The following FASN variants were observed in gnomAD, a reference collection of about 807,000 sequenced individuals.
The protein encoded by FASN is fatty acid synthase, also known as 3-hydroxyacyl-[acyl-carrier-protein] dehydratase.
In FASN, 50 loss-of-function variants were observed where a neutral mutation model predicts 250.0. The ratio of observed to expected loss-of-function variants is 0.20; its 90% CI spans 0.16 to 0.25. The LOEUF is 0.25. FASN is among the 10% of genes least tolerant of loss of function. The probability of loss-of-function intolerance (pLI) is 1.00; values close to 1 mark genes in which losing one functional copy is unlikely to be tolerated. For synonymous variants in FASN, 1,909 were observed against 1,584.0 expected (o/e 1.21, Z -4.87); for missense variants, 3,031 against 3,498.5 (o/e 0.87, Z 3.37).
chr17:82,081,209 G>A lies in FASN; in HGVS notation c.6550C>T (p.Leu2184Phe). ...LSVREVRQLT[L>F]RKLQELSSKA... ...GAGGACAGCTCCTGCAGTTTCCGGA[G>A]CGTGAGTTGCCGCACCTCGCGCACG... Residue 2184 changes from leucine to phenylalanine, a missense_variant, in exon 38 of 43, where the codon CTC becomes TTC. Coordinates refer to ENST00000306749, the MANE Select transcript of FASN (RefSeq NM_004104.5). 6.3e-7 allele frequency: 1 copy of A among 1,594,204 alleles called. No individual in the cohort carries two copies. The highest frequency in any genetic ancestry group is 8.5e-7 in the Non-Finnish European group (1 of 1,171,430).
At position 82,096,339 on chromosome 17, in the gene FASN, T is replaced by A. The variant is rs2034302624; in HGVS notation, c.107A>T (p.Asp36Val). ...CATACCCGCCTTCCAGCGACGGTCA[T>A]CGTCCGTGACCATGTCCACACCGCC... ...LIGGVDMVTD[D>V]DRRWKAGLYG... Residue 36 changes from aspartate (D) to valine (V), a missense_variant, in exon 2 of 43, where the codon GAT becomes GTT. Asp to Val is a radical substitution (Grantham distance 152). Coordinates refer to ENST00000306749, the MANE Select transcript of FASN (RefSeq NM_004104.5). 5 of 1,612,668 alleles carry A rather than the reference T, an allele frequency of 3.1e-6. No homozygotes were observed. Among genetic ancestry groups the A allele is most frequent in the Non-Finnish European group, 4.2e-6 (5 of 1,179,970 alleles).
intron 30 of FASN, 41 bp downstream of exon 30, chr17:82,083,731 G>A (rs1366919646): frequency 1.2e-6 from 2 of 1,610,276 alleles, no homozygotes; most frequent in Non-Finnish European, 1.7e-6. Flanking sequence ...CTGGGCCGGA[G>A]GCTAGGCAGG....
At chr17:82,092,164 T>C (rs2034222428) in intron 8 of FASN, among the ~76,000 whole-genome samples, 1 of 152,142 alleles carries the variant, frequency 6.6e-6, no homozygotes, top group Admixed American at 6.5e-5. Context: ...GGCCTGCTCC[T>C]GCCTCGCTCT....
Position 82,092,759 on chromosome 17 carries a change from G to T in FASN, c.832C>A (p.Gln278Lys), listed in dbSNP as rs376469026. ...GACTCAGGGGCCACTCCGGCCGACTGGTACAACGAGCGGATGAGCTGCTCC... is the reference window on the plus strand; with the variant it reads ...GACTCAGGGGCCACTCCGGCCGACTTGTACAACGAGCGGATGAGCTGCTCC... Reference protein sequence around the residue: ...IQEQLIRSLYQSAGVAPESFE... With the variant: ...IQEQLIRSLYKSAGVAPESFE... Residue 278 changes from glutamine to lysine, a missense_variant, in exon 7 of 43, where the codon CAG becomes AAG. Gln to Lys is a moderately conservative substitution (Grantham distance 53). Coordinates refer to ENST00000306749, the MANE Select transcript of FASN (RefSeq NM_004104.5). 6.8e-6 allele frequency: 11 copies of T among 1,605,922 alleles called. No homozygotes were observed. In the African/African-American group the frequency reaches 1.2e-4, roughly 18 times the overall value.
chr17:82,091,516 C>T lies in FASN; in HGVS notation c.1198G>A (p.Val400Met), dbSNP rs771740708. 1.9e-6 allele frequency: 3 copies of T among 1,603,586 alleles called. No individual in the cohort carries two copies. The highest frequency in any genetic ancestry group is 1.1e-5 in the South Asian group (1 of 89,854). Residue 400 changes from valine (V) to methionine (M), a missense_variant, in exon 9 of 43, where the codon GTG (valine) becomes ATG (methionine). Transcript: ENST00000306749. ...GTGTTGGGCCTCAGGATGATGTGCA[C>T]GTTGGAGCCCCCGAAGCCAAAGGAG... is the stretch of plus-strand genomic sequence containing the variant. ...INSFGFGGSN[V>M]HIILRPNTQP... is the part of the protein sequence containing the mutation.
At position 82,087,113 on chromosome 17, in the gene FASN, G is replaced by A. The variant is rs1438574981; in HGVS notation, c.3364C>T (p.His1122Tyr). The A allele has an allele frequency of 2.5e-6, 4 of 1,612,158 alleles. No individual in the cohort carries two copies. The South Asian group carries it at 3.3e-5, about 13-fold the overall frequency. The change falls in exon 21 of 43, where the codon CAC (histidine) becomes TAC (tyrosine). Residue 1122 changes from histidine to tyrosine, a missense_variant. By Grantham distance (83) the His-to-Tyr change is moderately conservative. Transcript: ENST00000306749. ...PILEKFCFTP[H>Y]TEEGCLSERA... ...TCAGACAGGCACCCCTCCTCCGTGT[G>A]GGGAGTGAAGCAAAACTTCTCCAGG...
chr17:82,092,683 G>T lies in FASN; in HGVS notation c.894+14C>A, dbSNP rs751345118. 5.6e-5 allele frequency: 79 copies of T among 1,408,896 alleles called. 1 individual carries two copies. Among genetic ancestry groups the T allele is most frequent in the Admixed American group, 5.0e-4 (28 of 55,630 alleles). The allele number at this position is 1,408,896 out of a possible 1,614,324, so 87.3% of individuals were successfully genotyped here. A position where few individuals can be genotyped will look rare whatever the true frequency, so the allele number is the denominator to read the frequency against. ...TCATGGGGTGGTGAGTGGGGCGGGG[G>T]GGGGGGGCATCACCTTGGTGCCTGT... On this transcript the variant is annotated intron_variant, in intron 7 of 42. Coordinates refer to ENST00000306749, the MANE Select transcript of FASN (RefSeq NM_004104.5).
Position 82,082,366 on chromosome 17 carries a change from C to G in FASN, c.5968G>C (p.Asp1990His). 6.2e-7 allele frequency: 1 copy of G among 1,612,936 alleles called. No homozygotes were observed. The highest frequency in any genetic ancestry group is 8.5e-7 in the Non-Finnish European group (1 of 1,180,004). The change falls in exon 35 of 43, where the codon GAC (aspartate) becomes CAC (histidine). Residue 1990 changes from aspartate (D) to histidine (H), a missense_variant. Asp to His is a moderately conservative substitution (Grantham distance 81, BLOSUM62 -1). Coordinates refer to ENST00000306749, the MANE Select transcript of FASN (RefSeq NM_004104.5). ...LENQTPEFFQ[D>H]VCKPKYSGTL... ...CCGCTGTACTTGGGCTTGCAGACGT[C>G]CTGGAAGAACTCTGGGGTCTGGTTC...
In FASN at chr17:82,085,131, G is replaced by C; in HGVS notation, c.4313C>G (p.Ser1438Cys). ...LKGILADEDSSRPVWLKAINC... is the reference protein window; with the variant it reads ...LKGILADEDSCRPVWLKAINC... Reference sequence around the variant, plus strand: ...GATGGCCTTCAGCCACACAGGCCGGGAAGAGTCTTCGTCAGCCAGGATGCC... The same window carrying C: ...GATGGCCTTCAGCCACACAGGCCGGCAAGAGTCTTCGTCAGCCAGGATGCC... The change falls in exon 25 of 43, where the codon TCC (serine) becomes TGC (cysteine). Residue 1438 changes from serine (S) to cysteine (C), a missense_variant. By Grantham distance (112) the Ser-to-Cys change is moderately radical. Coordinates refer to ENST00000306749, the MANE Select transcript of FASN (RefSeq NM_004104.5). The C allele has an allele frequency of 6.2e-7, 1 of 1,612,582 alleles. No individual in the cohort carries two copies.
intron 1 of FASN, among the ~76,000 whole-genome samples, chr17:82,097,845 G>A (rs971278795): frequency 1.3e-5 from 2 of 152,070 alleles, no homozygotes; most frequent in Admixed American, 1.3e-4. Flanking sequence ...GGCCCTTCAG[G>A]GTCCGCGGCC....
intron 5 of FASN, 89 bp from the exon 6 acceptor site, chr17:82,093,108 T>C: frequency 1.3e-6 from 2 of 1,576,604 alleles, no homozygotes; most frequent in Non-Finnish European, 1.7e-6. Flanking sequence ...GGGTGGGTGC[T>C]TGGGTGGGGG....
chr17:82,079,977 G>A lies in FASN; in HGVS notation c.7146+163C>T, dbSNP rs1312360205. ...CCCGCCTTAGCCTCCCAAAGTGCCG[G>A]GATTACAGGCATGAGCAACCGCATC... On this transcript the variant is annotated intron_variant, in intron 41 of 42. Coordinates refer to ENST00000306749, the MANE Select transcript of FASN (RefSeq NM_004104.5). 6 of 808,232 alleles carry A rather than the reference G, an allele frequency of 7.4e-6. No individual in the cohort carries two copies. In the African/African-American group the frequency reaches 1.0e-4, roughly 14 times the overall value. 50.1% of individuals were successfully genotyped at this position (808,232 alleles called of 1,614,324 possible). A position where few individuals can be genotyped will look rare whatever the true frequency, so the allele number is the denominator to read the frequency against.
In FASN at chr17:82,078,771, C is replaced by T; in HGVS notation, c.*372G>A. The T allele has an allele frequency of 2.9e-6, 1 of 350,452 alleles. No homozygotes were observed. Among genetic ancestry groups the T allele is most frequent in the Non-Finnish European group, 5.5e-6 (1 of 182,096 alleles). 21.7% of individuals were successfully genotyped at this position (350,452 alleles called of 1,614,324 possible). ...GGGACCCACACGCTGCCTGAGGAGT[C>T]TTGGCAGGGTGGACAGGCCTGGGGG... On this transcript the variant is annotated 3_prime_UTR_variant, in exon 43 of 43. Transcript: ENST00000306749. The surrounding 1 kb of genome is among the most constrained non-coding windows in gnomAD (Gnocchi z 5.4).
Position 82,082,939 on chromosome 17 carries a change from C to G in FASN, c.5742G>C (p.Leu1914Phe). ...CTGTCCGGATCCCGGAGCGAGAAGT[C>G]AACACGAGCTTCTGCACCCCACGCT... is the stretch of plus-strand genomic sequence containing the variant. ...LIQRGVQKLVLTSRSGIRTGY... is the reference protein window; with the variant it reads ...LIQRGVQKLVFTSRSGIRTGY... Residue 1914 changes from leucine (L) to phenylalanine (F), a missense_variant, in exon 33 of 43, where the codon TTG (leucine) becomes TTC (phenylalanine). Transcript: ENST00000306749. 3.1e-6 allele frequency: 5 copies of G among 1,612,792 alleles called. No individual in the cohort carries two copies. The highest frequency in any genetic ancestry group is 3.3e-4 in the Middle Eastern group (2 of 6,062).
chr17:82,079,158 G>T lies in FASN; in HGVS notation c.7521C>A (p.Ser2507Arg). Residue 2507 changes from serine (S) to arginine (R), a missense_variant, in exon 43 of 43, where the codon AGC becomes AGA. Physicochemically the swap from Ser to Arg is moderately radical, Grantham distance 110. Transcript: ENST00000306749. ...IHSSLAEPRV[S>R]VREG ...GGGCACGGGCCTAGCCCTCCCGCAC[G>T]CTCACGCGTGGCTCAGCCAGGGAGC... The T allele has an allele frequency of 6.2e-7, 1 of 1,612,234 alleles. No homozygotes were observed. Among genetic ancestry groups the T allele is most frequent in the Non-Finnish European group, 8.5e-7 (1 of 1,179,916 alleles).
At chr17:82,087,641 C>A (rs747191878) in intron 19 of FASN, 44 bp downstream of exon 19, 11 of 1,606,522 alleles carry the variant, frequency 6.8e-6, no homozygotes, top group Non-Finnish European at 9.3e-6. Context: ...ACAATGACGA[C>A]CGCCCTCCCC....
intron 17 of FASN, 25 bp from the exon 18 acceptor site, chr17:82,088,059 C>A: frequency 1.2e-6 from 2 of 1,612,604 alleles, no homozygotes; most frequent in Non-Finnish European, 1.7e-6. Flanking sequence ...AGTTGGAGAT[C>A]AGAGGGCAGC....
In FASN at chr17:82,088,657, C is replaced by T. The variant is rs149615785; in HGVS notation, c.2421-95G>A. 10,697 of 1,515,324 alleles carry T rather than the reference C, an allele frequency of 7.1e-3. 56 individuals carry two copies. The highest frequency in any genetic ancestry group is 0.013 in the Middle Eastern group (64 of 4,790). The allele number at this position is 1,515,324 out of a possible 1,614,324, so 93.9% of individuals were successfully genotyped here. A position where few individuals can be genotyped will look rare whatever the true frequency, so the allele number is the denominator to read the frequency against. On this transcript the variant is annotated intron_variant, in intron 15 of 42. Coordinates refer to ENST00000306749, the MANE Select transcript of FASN (RefSeq NM_004104.5). ...ACTGCCTGCGGTGGACCATCCAGGG[C>T]TGCTGCCACCGGCCTGGGTCAGTGA...
chr17:82,090,590 T>C, intron 10 of FASN, 26 bp from the exon 11 acceptor site: 1 of 1,600,776 alleles, frequency 6.2e-7, no homozygotes, highest in Non-Finnish European at 8.5e-7. Flanking sequence ...GACACTCAGG[T>C]TGCAACCTCC....
Sources: gnomAD v4.1 joint callset for allele counts (sites outside exome capture counted in the v4.1 genomes callset) on GRCh38, gnomAD v4.1.1 for gene constraint, Gnocchi (gnomAD v3.1) non-coding constraint, MANE v1.5 for transcripts, NCBI Gene and HGNC (gene_info 2026-07-23, HGNC 2026-07-21) for gene names.